Variants in ARNT observed in about 807,000 individuals in gnomAD.
The protein encoded by ARNT is class E basic helix-loop-helix protein 2.
In ARNT, 30 loss-of-function variants were observed where a neutral mutation model predicts 105.0. That is an observed-to-expected ratio of 0.29 (90% CI 0.21 to 0.39). The LOEUF is 0.39. Ranked by LOEUF, ARNT falls within the 10% of genes least tolerant of loss-of-function variation. The pLI is 1.00. For synonymous variants in ARNT, 304 were observed against 344.0 expected, an observed-to-expected ratio of 0.88 and a Z score of 1.29; for missense variants, 748 against 978.7, an observed-to-expected ratio of 0.76 and a Z score of 3.15.
chr1:150,859,685 C>T (rs1417677372), intron 1 of ARNT, among the ~76,000 whole-genome samples: 1 of 152,038 alleles, frequency 6.6e-6, no homozygotes, highest in Non-Finnish European at 1.5e-5. Flanking sequence ...ATTTTTCAAT[C>T]TCAGTTTATA....
At chr1:150,876,268 C>T (rs1668233746) in intron 1 of ARNT, among the ~76,000 whole-genome samples, 1 of 152,196 alleles carries the variant, frequency 6.6e-6, no homozygotes, top group South Asian at 2.1e-4. Context: ...GAGGGCGGGC[C>T]AGCCCCGCAC....
chr1:150,846,686 A>G (rs1447037707), intron 3 of ARNT, among the ~76,000 whole-genome samples: 1 of 152,162 alleles, frequency 6.6e-6, no homozygotes, highest in East Asian at 1.9e-4. Context: ...AGTGCTAACC[A>G]TATTCACATT....
intron 10 of ARNT, among the ~76,000 whole-genome samples, chr1:150,830,551 C>T (rs10305710): frequency 0.029 from 4,346 of 152,282 alleles, 90 homozygotes; most frequent in Non-Finnish European, 0.043. Flanking sequence ...AAATACAAGT[C>T]CTACCCAGAG....
At chr1:150,873,582 G>A (rs113151947) in intron 1 of ARNT, among the ~76,000 whole-genome samples, 12 of 152,076 alleles carry the variant, frequency 7.9e-5, no homozygotes, top group African/African-American at 2.7e-4. Context: ...AACACTGCAG[G>A]GCCACCAGCA....
intron 12 of ARNT, 87 bp downstream of exon 12, chr1:150,829,006 G>A: frequency 6.8e-7 from 1 of 1,476,108 alleles, no homozygotes; most frequent in Non-Finnish European, 9.2e-7. Context: ...AGGTTGATAT[G>A]TTTTGGCTGT....
At chr1:150,860,132 T>C (rs2102320490) in intron 1 of ARNT, among the ~76,000 whole-genome samples, 1 of 151,478 alleles carries the variant, frequency 6.6e-6, no homozygotes, top group South Asian at 2.1e-4. Flanking sequence ...TGTTAGTTCA[T>C]ACTGTATAGT....
chr1:150,811,915 G>T lies in ARNT; in HGVS notation c.*106C>A. Reference sequence around the variant, plus strand: ...GAAAGGGGGTACATGTCAGGGGTGAGGGAAGGGAAGGGAGAGGAACTTTTA... The same window carrying T: ...GAAAGGGGGTACATGTCAGGGGTGATGGAAGGGAAGGGAGAGGAACTTTTA... On this transcript the variant is annotated 3_prime_UTR_variant, in exon 22 of 22. Coordinates refer to ENST00000358595, the MANE Select transcript of ARNT (RefSeq NM_001668.4). 1.3e-6 allele frequency: 1 copy of T among 780,854 alleles called. No homozygotes were observed. The highest frequency in any genetic ancestry group is 1.9e-6 in the Non-Finnish European group (1 of 535,338). The allele number at this position is 780,854 out of a possible 1,614,324, so 48.4% of individuals were successfully genotyped here. A position where few individuals can be genotyped will look rare whatever the true frequency, so the allele number is the denominator to read the frequency against.
intron 5 of ARNT, among the ~76,000 whole-genome samples, chr1:150,841,940 C>T (rs1182471477): frequency 6.6e-6 from 1 of 152,210 alleles, no homozygotes; most frequent in South Asian, 2.1e-4. Flanking sequence ...CAAAGCAACA[C>T]TAGTTCTGTT....
chr1:150,847,020 T>C (rs1035463524), intron 3 of ARNT, among the ~76,000 whole-genome samples: 7 of 152,222 alleles, frequency 4.6e-5, no homozygotes, highest in Non-Finnish European at 8.8e-5. Flanking sequence ...CATCTGTCAG[T>C]GGACATTTCG....
rs995120277 is a variant in ARNT, at chr1:150,811,679, C to G, written c.*342G>C. On this transcript the variant is annotated 3_prime_UTR_variant, in exon 22 of 22. Transcript: ENST00000358595. ...CAAAAACAAGCCATACTATCCAAGGCAAACAGTGGATGTCAGGTTCTTCTA... is the reference window on the plus strand; with the variant it reads ...CAAAAACAAGCCATACTATCCAAGGGAAACAGTGGATGTCAGGTTCTTCTA... The G allele has an allele frequency of 4.1e-6, 1 of 242,570 alleles. No individual in the cohort carries two copies. The highest frequency in any genetic ancestry group is 8.0e-6 in the Non-Finnish European group (1 of 124,684). 15.0% of individuals were successfully genotyped at this position (242,570 alleles called of 1,614,324 possible).
chr1:150,850,516 G>A (rs1427424350), intron 3 of ARNT, among the ~76,000 whole-genome samples: 5 of 152,386 alleles, frequency 3.3e-5, no homozygotes, highest in South Asian at 4.1e-4. Context: ...GCTCCTAACC[G>A]TGAGTGATCC....
intron 6 of ARNT, among the ~76,000 whole-genome samples, chr1:150,836,854 A>C (rs1429187247): frequency 6.6e-6 from 1 of 152,184 alleles, no homozygotes; most frequent in Non-Finnish European, 1.5e-5. Flanking sequence ...CAGCCTAGGC[A>C]ATGGGGCGAA....
At chr1:150,872,628 C>T (rs1667629905) in intron 1 of ARNT, among the ~76,000 whole-genome samples, 1 of 152,172 alleles carries the variant, frequency 6.6e-6, no homozygotes, top group South Asian at 2.1e-4. Context: ...CAACTGTTCC[C>T]TCAGCCAATG....
At chr1:150,816,666 G>T in intron 18 of ARNT, 122 bp downstream of exon 18, 1 of 1,181,706 alleles carries the variant, frequency 8.5e-7, no homozygotes, top group Non-Finnish European at 1.2e-6. Context: ...CCTCACGCTA[G>T]GCCCTACAAG....
intron 21 of ARNT, 22 bp downstream of exon 21, chr1:150,813,150 G>A (rs776575226): frequency 3.1e-6 from 5 of 1,603,936 alleles, no homozygotes; most frequent in Non-Finnish European, 4.3e-6. Context: ...TCTAATTTTT[G>A]AAAGTCTTTT....
intron 2 of ARNT, 34 bp downstream of exon 2, chr1:150,858,315 A>G: frequency 6.6e-7 from 1 of 1,506,124 alleles, no homozygotes; most frequent in Non-Finnish European, 9.1e-7. Context: ...GGTTTATAGG[A>G]GAGATATTCA....
rs944114821 is a variant in ARNT, at chr1:150,876,395, G to A, written c.25+148C>T. The A allele has an allele frequency of 4.5e-6, 6 of 1,319,658 alleles. No homozygotes were observed. In the African/African-American group the frequency reaches 9.4e-5, roughly 21 times the overall value. The allele number at this position is 1,319,658 out of a possible 1,614,324, so 81.7% of individuals were successfully genotyped here. A position where few individuals can be genotyped will look rare whatever the true frequency, so the allele number is the denominator to read the frequency against. On this transcript the variant is annotated intron_variant, in intron 1 of 21. Transcript: ENST00000358595. ...GTCCCCGGGATCGGGCCCCTCCCCA[G>A]GTCACCGCTCCCCCACCGTCTCTCG... is the stretch of plus-strand genomic sequence containing the variant.
intron 8 of ARNT, among the ~76,000 whole-genome samples, chr1:150,833,365 T>C (rs774907401): frequency 4.9e-4 from 75 of 152,048 alleles, no homozygotes; most frequent in Non-Finnish European, 8.7e-4. Flanking sequence ...TAGCCAGCTG[T>C]GGTGGCAATC....
Position 150,812,036 on chromosome 1 carries a change from G to A in ARNT, c.2355C>T (p.Pro785=), listed in dbSNP as rs1654825216. The A allele has an allele frequency of 3.2e-6, 5 of 1,563,206 alleles. No individual in the cohort carries two copies. In the East Asian group the frequency reaches 9.6e-5, roughly 30 times the overall value. ...NEEFPDLTMF[P]PFSE ...CCCAATAGTTCTATTCTGAAAAGGG[G>A]GGAAACATAGTTAGATCAGGGAATT... Residue 785 remains proline (P), a synonymous_variant, in exon 22 of 22, where the codon CCC becomes CCT. Transcript: ENST00000358595.
Sources: gnomAD v4.1 joint callset for allele counts (sites outside exome capture counted in the v4.1 genomes callset) on GRCh38, gnomAD v4.1.1 for gene constraint, MANE v1.5 for transcripts, NCBI Gene and HGNC (gene_info 2026-07-23, HGNC 2026-07-21) for gene names.